MAML3: variants seen among roughly 807,000 people sequenced by gnomAD.
MAML3 encodes mastermind like transcriptional coactivator 3, also known as mastermind-like protein 3.
A neutral mutation model predicts 101.9 loss-of-function variants in MAML3; 27 were observed. The ratio of observed to expected loss-of-function variants is 0.27; its 90% confidence interval spans 0.20 to 0.37. The LOEUF is 0.37. MAML3 is among the 10% of genes least tolerant of loss of function. MAML3 has a pLI of 1.00. For missense variants in MAML3, 1,316 were observed against 1,444.9 expected (o/e 0.91, Z 1.45); for synonymous variants, 501 against 555.9 (o/e 0.90, Z 1.39).
At chr4:140,152,181 C>T (rs1295970684) in intron 1 of MAML3, among the ~76,000 whole-genome samples, 1 of 152,172 alleles carries the variant, frequency 6.6e-6, no homozygotes, top group Admixed American at 6.5e-5. Flanking sequence ...CGCACCCGCG[C>T]CCCGCATCCG....
intron 2 of MAML3, among the ~76,000 whole-genome samples, chr4:139,732,328 T>G (rs1449061538): frequency 6.6e-6 from 1 of 152,178 alleles, no homozygotes; most frequent in Non-Finnish European, 1.5e-5. Context: ...CCTCCCTTCC[T>G]TCTGTGGTGT....
intron 2 of MAML3, among the ~76,000 whole-genome samples, chr4:139,770,227 C>T (rs961040324): frequency 6.6e-6 from 1 of 152,212 alleles, no homozygotes; most frequent in Admixed American, 6.5e-5. Context: ...CCACTGTGCC[C>T]AGCCAAGGCT....
chr4:140,044,304 A>G (rs1194507786), intron 1 of MAML3, among the ~76,000 whole-genome samples: 1 of 152,202 alleles, frequency 6.6e-6, no homozygotes, highest in Non-Finnish European at 1.5e-5. Flanking sequence ...TTGTCATCAA[A>G]GCATTGTTAA....
chr4:140,102,225 A>T (rs1728263757), intron 1 of MAML3, among the ~76,000 whole-genome samples: 1 of 152,156 alleles, frequency 6.6e-6, no homozygotes, highest in South Asian at 2.1e-4. Context: ...TTCTCATATA[A>T]CTCTCTATTG....
At chr4:139,767,043 T>TATTATGTCAC (rs1223917553) in intron 2 of MAML3, among the ~76,000 whole-genome samples, 1 of 152,250 alleles carries the variant, frequency 6.6e-6, no homozygotes, top group East Asian at 1.9e-4. Flanking sequence ...TCCACTTTAT[T>TATTATGTCAC]ATTATGTCAA....
At chr4:139,771,663 G>A (rs1167195056) in intron 2 of MAML3, among the ~76,000 whole-genome samples, 2 of 152,178 alleles carry the variant, frequency 1.3e-5, no homozygotes, top group Non-Finnish European at 2.9e-5. Flanking sequence ...ACGGAAGATT[G>A]TAAAAGATTT....
chr4:140,040,548 C>T (rs764897678), intron 1 of MAML3, among the ~76,000 whole-genome samples: 7 of 152,174 alleles, frequency 4.6e-5, no homozygotes, highest in African/African-American at 9.7e-5. Flanking sequence ...AGCCCTTGGG[C>T]GCCACACTAA....
At chr4:139,761,020 G>A (rs1489265998) in intron 2 of MAML3, among the ~76,000 whole-genome samples, 4 of 151,914 alleles carry the variant, frequency 2.6e-5, no homozygotes, top group East Asian at 1.9e-4. Context: ...GTACAATGGC[G>A]CAATCTCGGC....
chr4:139,912,126 C>T (rs1287413806), intron 1 of MAML3, among the ~76,000 whole-genome samples: 1 of 152,122 alleles, frequency 6.6e-6, no homozygotes, highest in Non-Finnish European at 1.5e-5. Context: ...GAGAAACTGA[C>T]ATACTGTTTT....
At chr4:139,927,526 C>G (rs1202525156) in intron 1 of MAML3, among the ~76,000 whole-genome samples, 3 of 152,184 alleles carry the variant, frequency 2.0e-5, no homozygotes, top group African/African-American at 4.8e-5. Context: ...TTGTCTATAA[C>G]AGTTATTTCC....
intron 2 of MAML3, among the ~76,000 whole-genome samples, chr4:139,874,759 A>G (rs1466746576): frequency 6.6e-6 from 1 of 151,806 alleles, no homozygotes; most frequent in African/African-American, 2.4e-5. Context: ...AAACTAATAC[A>G]CAGAGTCATC....
intron 2 of MAML3, among the ~76,000 whole-genome samples, chr4:139,771,006 T>C (rs1217165322): frequency 1.3e-5 from 2 of 152,160 alleles, no homozygotes; most frequent in African/African-American, 4.8e-5. Context: ...GGACCAAGTG[T>C]GGCAAGGAAC....
At chr4:139,909,754 T>C (rs1732882905) in intron 1 of MAML3, among the ~76,000 whole-genome samples, 1 of 145,882 alleles carries the variant, frequency 6.9e-6, no homozygotes, top group Admixed American at 7.4e-5. Context: ...GGAGAATCGC[T>C]TGAACCTGGG....
chr4:139,797,135 T>C (rs1051216312), intron 2 of MAML3, among the ~76,000 whole-genome samples: 1 of 152,206 alleles, frequency 6.6e-6, no homozygotes, highest in Non-Finnish European at 1.5e-5. Context: ...GAACAAAATA[T>C]TATGTATGTC....
chr4:140,091,556 A>AAAAAAAAAAAAAAAAAAC (rs1728053014), intron 1 of MAML3, among the ~76,000 whole-genome samples: 1 of 150,408 alleles, frequency 6.6e-6, no homozygotes, highest in African/African-American at 2.4e-5. Context: ...AACAAAAAAA[A>AAAAAAAAAAAAAAAAAAC]AAAACAGGAC....
intron 2 of MAML3, chr4:139,888,556 C>G (rs3775241): frequency 0.39 from 202,962 of 518,732 alleles, 42,629 homozygotes; most frequent in Non-Finnish European, 0.46. Flanking sequence ...GATGAAGAGA[C>G]TGAAAAGCTT....
chr4:140,119,863 A>G (rs1728576950), intron 1 of MAML3, among the ~76,000 whole-genome samples: 3 of 152,154 alleles, frequency 2.0e-5, no homozygotes, highest in Admixed American at 2.0e-4. Flanking sequence ...ACTATTAGCT[A>G]TTCTAGAGAG....
At chr4:140,083,577 G>A (rs775125368) in intron 1 of MAML3, among the ~76,000 whole-genome samples, 5 of 152,132 alleles carry the variant, frequency 3.3e-5, no homozygotes, top group Non-Finnish European at 5.9e-5. Context: ...CCTGAACCGT[G>A]TGCTTTTCCT....
chr4:139,867,712 ATT>A (rs1171276926), intron 2 of MAML3, among the ~76,000 whole-genome samples: 2 of 152,246 alleles, frequency 1.3e-5, no homozygotes, highest in Non-Finnish European at 1.5e-5. Context: ...GAAAATAATA[ATT>A]TAACTTTGAG....
Sources: gnomAD v4.1 joint callset for allele counts (sites outside exome capture counted in the v4.1 genomes callset) on GRCh38, gnomAD v4.1.1 for gene constraint, MANE v1.5 for transcripts, NCBI Gene and HGNC (gene_info 2026-07-23, HGNC 2026-07-21) for gene names.